Variants in SLC4A5 observed in about 807,000 individuals in gnomAD.
SLC4A5 encodes the protein electrogenic sodium bicarbonate cotransporter 4.
Under a neutral mutation model 120.4 loss-of-function variants are expected in SLC4A5, and 96 were observed. The ratio of observed to expected loss-of-function variants is 0.80; its 90% confidence interval spans 0.68 to 0.94. The LOEUF (loss-of-function observed/expected upper bound fraction) is 0.94. SLC4A5 is among the 40% of genes least tolerant of loss of function. SLC4A5 has a pLI of 0.00. For missense variants in SLC4A5, 1,259 were observed against 1,459.5 expected, an observed-to-expected ratio of 0.86 and a Z score of 2.24; for synonymous variants, 550 against 571.1, an observed-to-expected ratio of 0.96 and a Z score of 0.53.
chr2:74,319,669 T>C (rs548485156), intron 5 of SLC4A5, among the ~76,000 whole-genome samples: 12 of 151,624 alleles, frequency 7.9e-5, no homozygotes, highest in Non-Finnish European at 1.3e-4. Context: ...CTCTCTCTTT[T>C]TCTCTCTCTC....
rs1311717086 is a variant in SLC4A5 at position 74,247,371 on chromosome 2, A to G, written c.1788-64T>C. 2.6e-6 allele frequency: 4 copies of G among 1,536,616 alleles called. No homozygotes were observed. In the African/African-American group the frequency reaches 5.5e-5, roughly 21 times the overall value. ...GGCTCCTGGCTGTGCTTGACTCCTC[A>G]GACTCATCCTTAAGTGGCTTATCTG... On this transcript the variant is annotated intron_variant, in intron 18 of 30. Coordinates refer to ENST00000394019, the Ensembl canonical transcript of SLC4A5.
At chr2:74,300,088 G>A (rs114178202) in intron 7 of SLC4A5, among the ~76,000 whole-genome samples, 294 of 152,342 alleles carry the variant, frequency 1.9e-3, no homozygotes, top group Middle Eastern at 6.8e-3. Flanking sequence ...GGAAGAACCG[G>A]GAGGGCATGA....
At chr2:74,313,724 C>T (rs1672879139) in intron 6 of SLC4A5, among the ~76,000 whole-genome samples, 1 of 152,154 alleles carries the variant, frequency 6.6e-6, no homozygotes, top group Non-Finnish European at 1.5e-5. Flanking sequence ...TTTAAGCAAG[C>T]TGCAATTTGA....
Position 74,248,500 on chromosome 2 carries a change from G to A in SLC4A5, c.1654-14C>T, listed in dbSNP as rs1485248764. The A allele has an allele frequency of 6.2e-7, 1 of 1,613,750 alleles. No homozygotes were observed. Among genetic ancestry groups the A allele is most frequent in the African/African-American group, 1.3e-5 (1 of 75,028 alleles). On this transcript the variant is annotated splice_polypyrimidine_tract_variant and intron_variant, in intron 17 of 30. Transcript: ENST00000394019. ...CTCCATCACTCCCTGGGGGCACAAG[G>A]AATGTGTGGTTCAGCATAGGAAGGA... is the stretch of plus-strand genomic sequence containing the variant.
intron 6 of SLC4A5, chr2:74,307,695 C>T (rs529076052): frequency 2.4e-5 from 22 of 902,110 alleles, no homozygotes. Flanking sequence ...CTCCAGCTTC[C>T]TGTTATCAGT....
chr2:74,248,041 C>T (rs185130043), intron 18 of SLC4A5, among the ~76,000 whole-genome samples: 119 of 152,274 alleles, frequency 7.8e-4, no homozygotes, highest in Admixed American at 1.6e-3. Context: ...GTGTAACCTT[C>T]TGACCTTCAG....
At chr2:74,332,657 T>C (rs917444089) in intron 4 of SLC4A5, among the ~76,000 whole-genome samples, 6 of 151,958 alleles carry the variant, frequency 3.9e-5, no homozygotes, top group African/African-American at 1.5e-4. Flanking sequence ...CTGTCTTCAG[T>C]GGGAGAGAGA....
At chr2:74,232,545 T>C in exon 24 of SLC4A5, 1 of 1,613,822 alleles carries the variant, frequency 6.2e-7, no homozygotes. Context: ...ATGTGGGCGA[T>C]GGAGATGACC....
intron 20 of SLC4A5, among the ~76,000 whole-genome samples, 172 bp from the exon 21 acceptor site, chr2:74,239,707 T>C (rs1429599722): frequency 6.6e-6 from 1 of 152,108 alleles, no homozygotes; most frequent in Admixed American, 6.5e-5. Context: ...ACAAGCTCCC[T>C]AGGAAGATTA....
intron 29 of SLC4A5, 81 bp downstream of exon 29, chr2:74,222,787 T>A: frequency 8.0e-6 from 10 of 1,252,284 alleles, no homozygotes; most frequent in Non-Finnish European, 1.2e-5. Flanking sequence ...TAGATCCCCC[T>A]GAGTTACAGA....
chr2:74,282,993 G>A (rs1363563931), intron 8 of SLC4A5, among the ~76,000 whole-genome samples: 1 of 152,178 alleles, frequency 6.6e-6, no homozygotes, highest in Non-Finnish European at 1.5e-5. Flanking sequence ...CTGGTCATTT[G>A]AAATGTCCCC....
At chr2:74,331,474 G>C (rs762988695) in intron 4 of SLC4A5, among the ~76,000 whole-genome samples, 9 of 151,920 alleles carry the variant, frequency 5.9e-5, no homozygotes, top group Middle Eastern at 3.4e-3. Flanking sequence ...AGAAGGCCTT[G>C]TGCATGAAGA....
At chr2:74,241,603 G>T (rs1447890786) in intron 20 of SLC4A5, among the ~76,000 whole-genome samples, 1 of 151,794 alleles carries the variant, frequency 6.6e-6, no homozygotes, top group Non-Finnish European at 1.5e-5. Flanking sequence ...TTAGCTGGGC[G>T]TGATGGTGCG....
intron 8 of SLC4A5, among the ~76,000 whole-genome samples, chr2:74,269,137 C>T (rs990517410): frequency 6.6e-6 from 1 of 152,000 alleles, no homozygotes; most frequent in Non-Finnish European, 1.5e-5. Context: ...TATGTGATAT[C>T]GAAAGTAAGA....
At chr2:74,259,279 C>T (rs190319984) in intron 12 of SLC4A5, among the ~76,000 whole-genome samples, 89 of 152,276 alleles carry the variant, frequency 5.8e-4, no homozygotes, top group Non-Finnish European at 6.3e-4. Flanking sequence ...ATAGATGAAG[C>T]CATGTGTGCT....
chr2:74,242,983 G>A (rs1215378764), intron 19 of SLC4A5, among the ~76,000 whole-genome samples: 2 of 152,122 alleles, frequency 1.3e-5, no homozygotes, highest in African/African-American at 4.8e-5. Context: ...AGGTCAGCTA[G>A]GCCTGAAATA....
intron 6 of SLC4A5, chr2:74,307,175 C>T (rs1672669589): frequency 3.6e-6 from 2 of 557,574 alleles, no homozygotes; most frequent in African/African-American, 3.7e-5. Context: ...GCATGGTGAC[C>T]ACTGTGGTGC....
At chr2:74,252,493 T>C (rs934735152) in intron 15 of SLC4A5, 105 bp from the exon 16 acceptor site, 7 of 1,408,060 alleles carry the variant, frequency 5.0e-6, no homozygotes, top group African/African-American at 1.4e-5. Context: ...ATGCAGAAAA[T>C]TGTCTAACAA....
intron 30 of SLC4A5, among the ~76,000 whole-genome samples, chr2:74,220,740 T>C (rs1221986838): frequency 6.6e-6 from 1 of 150,840 alleles, no homozygotes; most frequent in Non-Finnish European, 1.5e-5. Context: ...ATGGTCTCCA[T>C]CTCCTGACCT....
Sources: gnomAD v4.1 joint callset for allele counts (sites outside exome capture counted in the v4.1 genomes callset) on GRCh38, gnomAD v4.1.1 for gene constraint, MANE v1.5 for transcripts, NCBI Gene and HGNC (gene_info 2026-07-23, HGNC 2026-07-21) for gene names.